EDEM3: variants seen among roughly 807,000 people sequenced by gnomAD.
The protein encoded by EDEM3 is ER degradation-enhancing alpha-mannosidase-like protein 3.
Under a neutral mutation model 110.2 loss-of-function variants are expected in EDEM3, and 60 were observed. The observed-to-expected ratio is 0.54, with a 90% confidence interval of 0.44 to 0.67. The LOEUF is 0.67. EDEM3 is among the 30% of genes least tolerant of loss of function. The probability of loss-of-function intolerance (pLI) is 0.00; values close to 1 mark genes in which losing one functional copy is unlikely to be tolerated. For missense variants in EDEM3, 996 were observed against 1,121.0 expected (o/e 0.89, Z 1.59); for synonymous variants, 352 against 382.9 (o/e 0.92, Z 0.94).
At chr1:184,741,068 T>C (rs544986128) in intron 2 of EDEM3, among the ~76,000 whole-genome samples, 2 of 152,252 alleles carry the variant, frequency 1.3e-5, no homozygotes, top group Non-Finnish European at 2.9e-5. Context: ...GAAAGCACTG[T>C]TTAAACTACT....
chr1:184,695,827 G>GA (rs892511087), intron 19 of EDEM3, among the ~76,000 whole-genome samples: 8 of 151,998 alleles, frequency 5.3e-5, no homozygotes, highest in Admixed American at 1.3e-4. Context: ...TTAAAAACCA[G>GA]AAAAAACAAA....
rs1313883801 is a variant in EDEM3, at chr1:184,691,563, C to T, written c.*2500G>A. On this transcript the variant is annotated 3_prime_UTR_variant, in exon 20 of 20. Transcript: ENST00000318130. ...CTAAATTCGGGGTTTCATAGAATCC[C>T]CTGAATCTTTAGCAAGTTACTAAAA... is the stretch of plus-strand genomic sequence containing the variant. 6.6e-6 allele frequency: 1 copy of T among 151,778 alleles called. No individual in the cohort carries two copies. Among genetic ancestry groups the T allele is most frequent in the Non-Finnish European group, 1.5e-5 (1 of 67,842 alleles). 9.4% of individuals were successfully genotyped at this position (151,778 alleles called of 1,614,324 possible). A position where few individuals can be genotyped will look rare whatever the true frequency, so the allele number is the denominator to read the frequency against.
intron 19 of EDEM3, among the ~76,000 whole-genome samples, chr1:184,699,411 A>G (rs1649494656): frequency 6.6e-6 from 1 of 151,862 alleles, no homozygotes; most frequent in Non-Finnish European, 1.5e-5. Context: ...GAACTTCCAG[A>G]AAAAGGGAAG....
At chr1:184,723,123 C>G (rs529895802) in intron 8 of EDEM3, among the ~76,000 whole-genome samples, 1 of 151,920 alleles carries the variant, frequency 6.6e-6, no homozygotes, top group Non-Finnish European at 1.5e-5. Context: ...AGACTAGATT[C>G]CCAGAAGTAA....
rs767994129 is a variant in EDEM3, at chr1:184,710,626, T to C, written c.1692-79A>G. ...AAAAACACATGTCAAATAAAAATAA[T>C]GTTACTTGCAAAATTGCTAGTTTTA... is the stretch of plus-strand genomic sequence containing the variant. On this transcript the variant is annotated intron_variant, in intron 15 of 19. Transcript: ENST00000318130. 2.6e-4 allele frequency: 387 copies of C among 1,489,454 alleles called. 1 individual carries two copies. The highest frequency in any genetic ancestry group is 5.4e-5 in the Non-Finnish European group (60 of 1,112,584). The allele number at this position is 1,489,454 out of a possible 1,614,324, so 92.3% of individuals were successfully genotyped here.
intron 4 of EDEM3, among the ~76,000 whole-genome samples, chr1:184,736,021 C>A (rs1050895854): frequency 6.6e-5 from 10 of 152,128 alleles, no homozygotes; most frequent in African/African-American, 2.4e-4. Flanking sequence ...TTTGCATATT[C>A]CATTAATCTC....
At chr1:184,704,993 C>A (rs1034482944) in intron 18 of EDEM3, among the ~76,000 whole-genome samples, 1 of 151,622 alleles carries the variant, frequency 6.6e-6, no homozygotes, top group African/African-American at 2.4e-5. Context: ...ATTGCTTGAA[C>A]CTGAGAGATG....
At chr1:184,709,137 T>C (rs1324005767) in intron 16 of EDEM3, among the ~76,000 whole-genome samples, 1 of 152,100 alleles carries the variant, frequency 6.6e-6, no homozygotes, top group Non-Finnish European at 1.5e-5. Context: ...TAAAGAATGA[T>C]GATAGGTTTT....
At chr1:184,709,526 G>T (rs1216049829) in intron 16 of EDEM3, among the ~76,000 whole-genome samples, 1 of 152,160 alleles carries the variant, frequency 6.6e-6, no homozygotes, top group African/African-American at 2.4e-5. Flanking sequence ...AGCCAAAAAG[G>T]GAAAATGTTT....
At chr1:184,736,332 G>A (rs1039567800) in intron 4 of EDEM3, among the ~76,000 whole-genome samples, 5 of 151,888 alleles carry the variant, frequency 3.3e-5, no homozygotes, top group Non-Finnish European at 5.9e-5. Flanking sequence ...ATACCCCAAA[G>A]GTTTTTTGTT....
chr1:184,699,670 C>G (rs1003677524), intron 19 of EDEM3, among the ~76,000 whole-genome samples: 2 of 151,784 alleles, frequency 1.3e-5, no homozygotes, highest in African/African-American at 4.8e-5. Context: ...GTGACCCTGC[C>G]TGACTTAAAT....
At chr1:184,711,244 G>A (rs1299076460) in intron 15 of EDEM3, among the ~76,000 whole-genome samples, 1 of 152,012 alleles carries the variant, frequency 6.6e-6, no homozygotes, top group Non-Finnish European at 1.5e-5. Context: ...GATTACAGGT[G>A]CCTGCCACCA....
intron 7 of EDEM3, among the ~76,000 whole-genome samples, chr1:184,724,674 T>A (rs1215190493): frequency 6.6e-6 from 1 of 152,184 alleles, no homozygotes; most frequent in Non-Finnish European, 1.5e-5. Flanking sequence ...AAAATAGTTA[T>A]AATTCTTTAC....
At chr1:184,738,773 T>A (rs1651972242) in intron 2 of EDEM3, among the ~76,000 whole-genome samples, 1 of 152,196 alleles carries the variant, frequency 6.6e-6, no homozygotes, top group Non-Finnish European at 1.5e-5. Context: ...TGTCTGTTGA[T>A]CTTTTGCCCA....
At chr1:184,747,889 C>A (rs1489841543) in intron 2 of EDEM3, among the ~76,000 whole-genome samples, 1 of 152,182 alleles carries the variant, frequency 6.6e-6, no homozygotes, top group Non-Finnish European at 1.5e-5. Context: ...ATTAAAGATA[C>A]CATGCTTTAT....
intron 10 of EDEM3, 48 bp downstream of exon 10, chr1:184,719,395 T>C: frequency 6.3e-7 from 1 of 1,587,838 alleles, no homozygotes; most frequent in East Asian, 2.2e-5. Flanking sequence ...TGCGCCTAAT[T>C]AACATCATCA....
chr1:184,690,623 A>G lies in EDEM3; in HGVS notation c.*3440T>C, dbSNP rs1263724758. ...TACATCACAGTACATAGTTTCCCTT[A>G]GAAATATTGTATACATTTATCACCA... On this transcript the variant is annotated 3_prime_UTR_variant, in exon 20 of 20. Transcript: ENST00000318130. The G allele has an allele frequency of 6.6e-6, 1 of 152,622 alleles. No homozygotes were observed. The highest frequency in any genetic ancestry group is 1.5e-5 in the Non-Finnish European group (1 of 68,016). The allele number at this position is 152,622 out of a possible 1,614,324, so 9.5% of individuals were successfully genotyped here. A position where few individuals can be genotyped will look rare whatever the true frequency, so the allele number is the denominator to read the frequency against.
At chr1:184,736,754 C>T (rs1312298881) in intron 4 of EDEM3, among the ~76,000 whole-genome samples, 1 of 152,100 alleles carries the variant, frequency 6.6e-6, no homozygotes, top group Non-Finnish European at 1.5e-5. Flanking sequence ...CTTCAACCTC[C>T]TTGTCCAAAG....
intron 16 of EDEM3, 67 bp from the exon 17 acceptor site, chr1:184,708,411 A>G: frequency 1.3e-6 from 2 of 1,548,952 alleles, no homozygotes; most frequent in Non-Finnish European, 1.8e-6. Flanking sequence ...TTGATTTCCT[A>G]AAGACACTGT....
Sources: allele counts gnomAD v4.1 joint callset (sites outside exome capture counted in the v4.1 genomes callset), GRCh38; gene constraint gnomAD v4.1.1; transcripts MANE v1.5; gene names NCBI Gene and HGNC (gene_info 2026-07-23, HGNC 2026-07-21).